The following GRIK2 variants were observed in gnomAD, a reference collection of about 807,000 sequenced individuals.
GRIK2 encodes glutamate receptor ionotropic, kainate 2.
A neutral mutation model predicts 100.3 loss-of-function variants in GRIK2; 32 were observed. The ratio of observed to expected loss-of-function variants is 0.32; its 90% confidence interval spans 0.24 to 0.43. The LOEUF is 0.43. GRIK2 is among the 20% of genes least tolerant of loss of function. GRIK2 has a pLI of 1.00. For missense variants in GRIK2, 843 were observed against 1,114.9 expected, an observed-to-expected ratio of 0.76 and a Z score of 3.47; for synonymous variants, 417 against 389.4, an observed-to-expected ratio of 1.07 and a Z score of -0.83.
At chr6:101,663,428 A>ACTT (rs1769781675) in intron 4 of GRIK2, among the ~76,000 whole-genome samples, 1 of 152,196 alleles carries the variant, frequency 6.6e-6, no homozygotes, top group African/African-American at 2.4e-5. Context: ...AGTGGCCATC[A>ACTT]GAATTGAACA....
intron 2 of GRIK2, among the ~76,000 whole-genome samples, chr6:101,554,303 T>G (rs1776640073): frequency 6.6e-6 from 1 of 152,158 alleles, no homozygotes; most frequent in African/African-American, 2.4e-5. Flanking sequence ...TCCTTCAGAT[T>G]GTGACCACCC....
At chr6:101,893,088 ACTAT>A (rs1787210573) in intron 12 of GRIK2, among the ~76,000 whole-genome samples, 4 of 151,402 alleles carry the variant, frequency 2.6e-5, no homozygotes, top group Admixed American at 2.0e-4. Context: ...AAATGGAATC[ACTAT>A]CTGTTAGAAT....
intron 7 of GRIK2, among the ~76,000 whole-genome samples, chr6:101,768,008 G>A (rs772508902): frequency 4.0e-5 from 6 of 151,832 alleles, no homozygotes; most frequent in African/African-American, 9.7e-5. Context: ...ACAGGCATGC[G>A]CTACCATGCC....
intron 7 of GRIK2, among the ~76,000 whole-genome samples, chr6:101,731,930 A>C: frequency 6.6e-6 from 1 of 152,024 alleles, no homozygotes; most frequent in East Asian, 1.9e-4. Flanking sequence ...AGGAATTACA[A>C]ATCTTTTCTC....
intron 2 of GRIK2, among the ~76,000 whole-genome samples, chr6:101,607,718 TC>T (rs1779497990): frequency 6.6e-6 from 1 of 151,930 alleles, no homozygotes; most frequent in African/African-American, 2.4e-5. Context: ...TCACAGTAGT[TC>T]TTTGGTATGC....
At chr6:101,478,087 C>T (rs1223877443) in intron 2 of GRIK2, among the ~76,000 whole-genome samples, 1 of 152,010 alleles carries the variant, frequency 6.6e-6, no homozygotes, top group East Asian at 1.9e-4. Flanking sequence ...CCAAAAAGTA[C>T]ATTTTTGAAT....
intron 7 of GRIK2, among the ~76,000 whole-genome samples, chr6:101,765,243 T>C (rs1777976740): frequency 6.6e-6 from 1 of 152,152 alleles, no homozygotes; most frequent in African/African-American, 2.4e-5. Context: ...TTGTACTGCA[T>C]CTTCAATTGC....
At chr6:101,459,891 G>A (rs1771207774) in intron 2 of GRIK2, among the ~76,000 whole-genome samples, 1 of 151,914 alleles carries the variant, frequency 6.6e-6, no homozygotes, top group Admixed American at 6.6e-5. Context: ...AAGTAGCTGG[G>A]ATTACAGGCG....
intron 2 of GRIK2, among the ~76,000 whole-genome samples, chr6:101,428,527 T>C (rs1034117822): frequency 1.3e-5 from 2 of 152,188 alleles, no homozygotes; most frequent in Non-Finnish European, 2.9e-5. Context: ...TCTAATTTGA[T>C]TTTTAGAAGA....
At chr6:101,908,077 G>A (rs529128887) in intron 12 of GRIK2, among the ~76,000 whole-genome samples, 1 of 151,344 alleles carries the variant, frequency 6.6e-6, no homozygotes, top group East Asian at 1.9e-4. Flanking sequence ...GCATGATTTG[G>A]CCACTGTTTT....
At chr6:101,581,872 G>A (rs1393532680) in intron 2 of GRIK2, among the ~76,000 whole-genome samples, 2 of 151,948 alleles carry the variant, frequency 1.3e-5, no homozygotes, top group African/African-American at 2.4e-5. Flanking sequence ...ATGTGTGGTT[G>A]GATTTCAGAC....
chr6:101,768,159 T>G (rs958727824), intron 7 of GRIK2, among the ~76,000 whole-genome samples: 1 of 152,182 alleles, frequency 6.6e-6, no homozygotes, highest in Non-Finnish European at 1.5e-5. Context: ...ACACTCACCC[T>G]GTATAATTTT....
At position 101,399,212 on chromosome 6, in the gene GRIK2, C is replaced by T. The variant is rs1266320653; in HGVS notation, c.-66C>T. The T allele has an allele frequency of 2.4e-6, 2 of 817,936 alleles. No homozygotes were observed. The highest frequency in any genetic ancestry group is 1.4e-5 in the South Asian group (1 of 73,788). 50.7% of individuals were successfully genotyped at this position (817,936 alleles called of 1,614,324 possible). A position where few individuals can be genotyped will look rare whatever the true frequency, so the allele number is the denominator to read the frequency against. On this transcript the variant is annotated 5_prime_UTR_variant, in exon 2 of 17. Transcript: ENST00000369134. Reference sequence around the variant, plus strand: ...ACCACTCGACGCATCCTCATTTCTACCCGAACCCAGGAGCCGAACGCTAGA... The same window carrying T: ...ACCACTCGACGCATCCTCATTTCTATCCGAACCCAGGAGCCGAACGCTAGA...
intron 10 of GRIK2, among the ~76,000 whole-genome samples, chr6:101,855,378 C>A (rs1268941585): frequency 6.6e-6 from 1 of 151,970 alleles, no homozygotes; most frequent in Non-Finnish European, 1.5e-5. Context: ...GTGCTATGAG[C>A]AAAACAAAGC....
chr6:101,861,361 A>G (rs988313067), intron 11 of GRIK2, among the ~76,000 whole-genome samples: 12 of 152,210 alleles, frequency 7.9e-5, no homozygotes, highest in Non-Finnish European at 1.5e-5. Context: ...TGTAGGGACT[A>G]TAGCACTATA....
At chr6:101,519,024 C>A (rs1404624476) in intron 2 of GRIK2, among the ~76,000 whole-genome samples, 1 of 152,122 alleles carries the variant, frequency 6.6e-6, no homozygotes, top group African/African-American at 2.4e-5. Flanking sequence ...AATATAAATG[C>A]TCTTTAGCTT....
intron 14 of GRIK2, among the ~76,000 whole-genome samples, chr6:102,014,240 C>T (rs931864896): frequency 4.6e-5 from 4 of 86,942 alleles, no homozygotes; most frequent in South Asian, 3.5e-4. Context: ...AGGAGGTGTT[C>T]ATAATAGTCT....
At chr6:101,753,829 G>T (rs758487857) in intron 7 of GRIK2, among the ~76,000 whole-genome samples, 10 of 151,854 alleles carry the variant, frequency 6.6e-5, no homozygotes, top group South Asian at 2.1e-4. Flanking sequence ...TAAAATAATA[G>T]TACAAATAAA....
chr6:101,933,701 T>A (rs1221775957), intron 14 of GRIK2, among the ~76,000 whole-genome samples: 3 of 151,952 alleles, frequency 2.0e-5, no homozygotes, highest in African/African-American at 7.2e-5. Context: ...ACAATGAATT[T>A]TACATTTACT....
Sources: gnomAD v4.1 joint callset for allele counts (sites outside exome capture counted in the v4.1 genomes callset) on GRCh38, gnomAD v4.1.1 for gene constraint, MANE v1.5 for transcripts, NCBI Gene and HGNC (gene_info 2026-07-23, HGNC 2026-07-21) for gene names.